The following NOD2 variants were observed in gnomAD, a reference collection of about 807,000 sequenced individuals.
The protein encoded by NOD2 is nucleotide binding oligomerization domain containing 2.
A neutral mutation model predicts 90.9 loss-of-function variants in NOD2; 86 were observed. That is an observed-to-expected ratio of 0.95 (90% CI 0.79 to 1.13). The LOEUF (loss-of-function observed/expected upper bound fraction) is 1.13, where lower values mean the gene tolerates loss of function less well. NOD2 is among the 50% of genes most tolerant of loss of function. The pLI, the probability that NOD2 is intolerant of heterozygous loss-of-function variation, is 0.00. For synonymous variants in NOD2, 581 were observed against 554.6 expected (o/e 1.05, Z -0.67); for missense variants, 1,238 against 1,283.8 (o/e 0.96, Z 0.55).
At chr16:50,728,061 T>C (rs1253694392) in intron 10 of NOD2, 2 of 230,902 alleles carry the variant, frequency 8.7e-6, no homozygotes, top group East Asian at 2.3e-4. Context: ...AAGATGACAC[T>C]TCAAAATGAC....
At chr16:50,712,901 C>A in intron 4 of NOD2, 1 of 171,624 alleles carries the variant, frequency 5.8e-6, no homozygotes, top group South Asian at 1.2e-4. Flanking sequence ...GACTTTAACA[C>A]CCCAACCAGA....
At chr16:50,705,884 G>T (rs191709420) in intron 2 of NOD2, among the ~76,000 whole-genome samples, 86 of 152,252 alleles carry the variant, frequency 5.6e-4, no homozygotes, top group African/African-American at 2.0e-3. Flanking sequence ...AAAAATCTTT[G>T]TCTTGGAAAT....
At chr16:50,712,460 T>G in intron 4 of NOD2, 87 bp downstream of exon 4, 2 of 1,558,186 alleles carry the variant, frequency 1.3e-6, no homozygotes, top group Non-Finnish European at 1.8e-6. Context: ...TCTAGAAGTC[T>G]GGGCCCAGCT....
intron 1 of NOD2, among the ~76,000 whole-genome samples, chr16:50,694,196 C>T (rs999920816): frequency 6.6e-6 from 1 of 152,186 alleles, no homozygotes; most frequent in African/African-American, 2.4e-5. Flanking sequence ...CCACCCCAAT[C>T]CCCCTGGGGA....
At chr16:50,714,314 G>T (rs1256249989) in intron 4 of NOD2, among the ~76,000 whole-genome samples, 1 of 152,148 alleles carries the variant, frequency 6.6e-6, no homozygotes, top group Non-Finnish European at 1.5e-5. Context: ...TCAGACTGTG[G>T]TGTGTAAAGG....
Position 50,703,880 on chromosome 16 carries a change from G to T in NOD2, c.459+3926G>T, listed in dbSNP as rs571493038. 2.6e-5 allele frequency among the ~76,000 whole-genome samples: 4 copies of T among 152,234 alleles called. No individual in the cohort carries two copies. In the East Asian group the frequency reaches 7.7e-4, roughly 29 times the overall value. On this transcript the variant is annotated intron_variant, in intron 2 of 11. Coordinates refer to ENST00000647318, the MANE Select transcript of NOD2 (RefSeq NM_001370466.1). Reference sequence around the variant, plus strand: ...GGAAATATTGGGCTCATTGCAACTGGAGGGTCTGGTAGGACTGATGTGAAT... The same window carrying T: ...GGAAATATTGGGCTCATTGCAACTGTAGGGTCTGGTAGGACTGATGTGAAT...
chr16:50,711,731 A>G lies in NOD2; in HGVS notation c.1739A>G (p.Gln580Arg), dbSNP rs752707000. 2.5e-6 allele frequency: 4 copies of G among 1,614,130 alleles called. No homozygotes were observed. The highest frequency in any genetic ancestry group is 1.1e-5 in the South Asian group (1 of 91,086). The change falls in exon 4 of 12, where the codon CAG becomes CGG. Residue 580 changes from glutamine to arginine, a missense_variant. Physicochemically the swap from Gln to Arg is conservative, Grantham distance 43. Around this residue, in one of 3 missense-constraint regions of NOD2, gnomAD observed 667 missense variants for 688.7 expected, o/e 0.97. Transcript: ENST00000647318. The part of the protein sequence containing the change: ...APLEFLHITF[Q>R]CFFAAFYLAL... ...CTGGAATTCCTTCACATCACTTTCC[A>G]GTGCTTCTTTGCCGCGTTCTACCTG...
At chr16:50,717,370 G>A (rs1013096172) in intron 6 of NOD2, among the ~76,000 whole-genome samples, 2 of 152,182 alleles carry the variant, frequency 1.3e-5, no homozygotes, top group Non-Finnish European at 2.9e-5. Flanking sequence ...CTCCCAGGAG[G>A]TCCTTTCACC....
rs987911002 is a variant in NOD2 at position 50,710,871 on chromosome 16, A to G, written c.879A>G (p.Gln293=). ...QRLHLLWAAG[Q]DFQEFLFVFP... ...TGCACTTGCTGTGGGCTGCAGGGCA[A>G]GACTTCCAGGAATTTCTCTTTGTCT... The change falls in exon 4 of 12, where the codon CAA becomes CAG. Residue 293 remains glutamine (Q), a synonymous_variant. Transcript: ENST00000647318. 3 of 1,614,130 alleles carry G rather than the reference A, an allele frequency of 1.9e-6. No homozygotes were observed. The highest frequency in any genetic ancestry group is 2.5e-6 in the Non-Finnish European group (3 of 1,180,030).
intron 4 of NOD2, among the ~76,000 whole-genome samples, chr16:50,715,077 A>G (rs2150820842): frequency 6.6e-6 from 1 of 152,318 alleles, no homozygotes; most frequent in South Asian, 2.1e-4. Flanking sequence ...TCACTGCACT[A>G]CAGAAGTGGC....
intron 1 of NOD2, chr16:50,697,060 T>G: frequency 1.5e-6 from 1 of 645,210 alleles, no homozygotes; most frequent in South Asian, 1.7e-5. Flanking sequence ...TTGCTTGGAA[T>G]TGCCTAGTTC....
chr16:50,729,783 A>G (rs751187428), intron 10 of NOD2, 35 bp from the exon 11 acceptor site: 3 of 1,579,234 alleles, frequency 1.9e-6, no homozygotes, highest in Middle Eastern at 1.7e-4. Flanking sequence ...AAAACCAAGA[A>G]TCCTTGAAGC....
intron 8 of NOD2, among the ~76,000 whole-genome samples, 199 bp from the exon 9 acceptor site, chr16:50,723,096 AAAAAAG>A (rs1965132580): frequency 6.6e-6 from 1 of 151,694 alleles, no homozygotes; most frequent in Non-Finnish European, 1.5e-5. Flanking sequence ...AAAAAAAAAA[AAAAAAG>A]AGCACTGCAT....
chr16:50,716,959 ACTT>A lies in NOD2; in HGVS notation c.2538_2540del (p.Phe846del). 1 of 1,614,254 alleles carries A rather than the reference ACTT, an allele frequency of 6.2e-7. No homozygotes were observed. Among genetic ancestry groups the A allele is most frequent in the Non-Finnish European group, 8.5e-7 (1 of 1,180,032 alleles). ...GCTAAGCTCCTTGCATGCAGGCAGA[ACTT>A]CTTGGCATTGAGGTGAGCCCAGGTT... is the stretch of plus-strand genomic sequence containing the variant. On this transcript the variant is annotated inframe_deletion, in exon 6 of 12. Transcript: ENST00000647318.
chr16:50,718,095 T>C (rs1179662601), intron 6 of NOD2, among the ~76,000 whole-genome samples: 1 of 152,238 alleles, frequency 6.6e-6, no homozygotes, highest in African/African-American at 2.4e-5. Context: ...GTGGACTCTC[T>C]CCATCTCCCT....
At chr16:50,723,544 T>C (rs1324545727) in intron 9 of NOD2, among the ~76,000 whole-genome samples, 160 bp downstream of exon 9, 1 of 152,188 alleles carries the variant, frequency 6.6e-6, no homozygotes, top group Non-Finnish European at 1.5e-5. Flanking sequence ...CTGAGTGGTA[T>C]GAAGCTTATA....
intron 10 of NOD2, chr16:50,727,818 C>T: frequency 2.7e-6 from 1 of 369,088 alleles, no homozygotes; most frequent in Admixed American, 3.0e-5. Context: ...GCATACTTCT[C>T]ATATGTAATG....
rs769988393 is a variant in NOD2, at chr16:50,711,313, C to A, written c.1321C>A (p.Arg441Ser). Reference sequence around the variant, plus strand: ...CCATCATGAGCCCGGGGTGGCGGACCGCCTCATCCGCCTGCTCCAAGAGAC... The same window carrying A: ...CCATCATGAGCCCGGGGTGGCGGACAGCCTCATCCGCCTGCTCCAAGAGAC... The part of the protein sequence containing the change: ...KRHHEPGVAD[R>S]LIRLLQETSA... Residue 441 changes from arginine (R) to serine (S), a missense_variant, in exon 4 of 12, where the codon CGC (arginine) becomes AGC (serine). Around this residue, in one of 3 missense-constraint regions of NOD2, gnomAD observed 567 missense variants for 577.3 expected, o/e 0.98. Transcript: ENST00000647318. 2 of 1,613,642 alleles carry A rather than the reference C, an allele frequency of 1.2e-6. No individual in the cohort carries two copies.
intron 6 of NOD2, among the ~76,000 whole-genome samples, chr16:50,719,223 C>T (rs1228597417): frequency 6.6e-6 from 1 of 152,182 alleles, no homozygotes; most frequent in Non-Finnish European, 1.5e-5. Context: ...CACCCCTTCT[C>T]CAAGGATACA....
Sources: gnomAD v4.1 joint callset for allele counts (sites outside exome capture counted in the v4.1 genomes callset) on GRCh38, gnomAD v4.1.1 for gene constraint, gnomAD v4.1.1 regional missense constraint, MANE v1.5 for transcripts, NCBI Gene and HGNC (gene_info 2026-07-23, HGNC 2026-07-21) for gene names.